The following LIX1 variants were observed in gnomAD, a reference collection of about 807,000 sequenced individuals.
The protein encoded by LIX1 is limb and CNS expressed 1.
LIX1 carries 24 observed loss-of-function variants against 33.4 expected under a neutral mutation model. The observed-to-expected ratio is 0.72, with a 90% CI of 0.52 to 1.01. The LOEUF is 1.01. Among genes scored for constraint, LIX1 ranks in the 50% least tolerant of loss-of-function variants. The probability of loss-of-function intolerance (pLI) is 0.00; values close to 1 mark genes in which losing one functional copy is unlikely to be tolerated. For missense variants in LIX1, 311 were observed against 339.2 expected (o/e 0.92, Z 0.65); for synonymous variants, 124 against 124.0 (o/e 1.00, Z 0.00).
At chr5:97,135,394 A>G (rs922881964) in intron 1 of LIX1, among the ~76,000 whole-genome samples, 2 of 152,214 alleles carry the variant, frequency 1.3e-5, no homozygotes, top group African/African-American at 4.8e-5. Context: ...TTATATGTGC[A>G]CATTGGGTCA....
intron 1 of LIX1, chr5:97,137,259 G>A: frequency 3.5e-6 from 1 of 289,852 alleles, no homozygotes; most frequent in Non-Finnish European, 6.9e-6. Context: ...CAATGAAGAG[G>A]TCCCAGATTT....
intron 1 of LIX1, among the ~76,000 whole-genome samples, chr5:97,131,631 C>G (rs1748058547): frequency 6.6e-6 from 1 of 152,222 alleles, no homozygotes; most frequent in African/African-American, 2.4e-5. Context: ...GGCAGCAACT[C>G]TGGCTCATTC....
chr5:97,139,053 A>T (rs1748229457), intron 1 of LIX1, among the ~76,000 whole-genome samples: 1 of 152,252 alleles, frequency 6.6e-6, no homozygotes, highest in African/African-American at 2.4e-5. Flanking sequence ...GGTAACTAGC[A>T]CTTCTGAGAG....
intron 2 of LIX1, among the ~76,000 whole-genome samples, chr5:97,111,182 A>G (rs952511287): frequency 2.0e-5 from 3 of 152,180 alleles, no homozygotes; most frequent in Admixed American, 6.5e-5. Context: ...GGCAGAGCCT[A>G]TGACTTAGTT....
Position 97,095,029 on chromosome 5 carries a change from T to A in LIX1, c.568A>T (p.Ile190Phe). 1 of 1,612,784 alleles carries A rather than the reference T, an allele frequency of 6.2e-7. No homozygotes were observed. Among genetic ancestry groups the A allele is most frequent in the Non-Finnish European group, 8.5e-7 (1 of 1,179,022 alleles). ...AGAGAATACTGAGAATAGTAGGAGA[T>A]GACTTCCTGGGGGCCAAGAAACAAA... ...RETKCSRQEV[I>F]SYYSQYSLDE... The change falls in exon 6 of 6, where the codon ATC becomes TTC. Residue 190 changes from isoleucine to phenylalanine, a missense_variant. Transcript: ENST00000274382.
intron 4 of LIX1, among the ~76,000 whole-genome samples, chr5:97,099,110 T>C (rs1432511770): frequency 3.5e-5 from 5 of 143,954 alleles, no homozygotes; most frequent in Admixed American, 3.4e-4. Context: ...CTGCACAGGG[T>C]CCTCGGTCCA....
chr5:97,103,370 C>A (rs1746821497), intron 4 of LIX1, among the ~76,000 whole-genome samples: 1 of 152,224 alleles, frequency 6.6e-6, no homozygotes, highest in African/African-American at 2.4e-5. Flanking sequence ...TTCATCTTCA[C>A]TGAGCATTCA....
intron 4 of LIX1, among the ~76,000 whole-genome samples, chr5:97,097,384 G>T (rs894587924): frequency 2.0e-5 from 3 of 152,186 alleles, no homozygotes; most frequent in African/African-American, 7.2e-5. Flanking sequence ...TAAATAGAAA[G>T]AATTCTATGA....
chr5:97,116,285 C>T (rs979279702), intron 2 of LIX1, among the ~76,000 whole-genome samples: 3 of 152,168 alleles, frequency 2.0e-5, no homozygotes, highest in African/African-American at 7.2e-5. Context: ...AACATTTTTT[C>T]TCCTTCCAGA....
At chr5:97,109,561 A>C (rs1049017705) in intron 2 of LIX1, among the ~76,000 whole-genome samples, 31 of 151,808 alleles carry the variant, frequency 2.0e-4, no homozygotes, top group Non-Finnish European at 4.4e-4. Flanking sequence ...TCATATATTT[A>C]TTTCTTTTTT....
intron 4 of LIX1, chr5:97,101,626 C>T (rs1051513601): frequency 2.0e-5 from 3 of 152,180 alleles, no homozygotes; most frequent in African/African-American, 7.2e-5. Context: ...TCATTCATTT[C>T]ATGTAAACAG....
chr5:97,104,063 T>C (rs556706374), intron 4 of LIX1, among the ~76,000 whole-genome samples: 99 of 152,052 alleles, frequency 6.5e-4, no homozygotes, highest in Non-Finnish European at 1.2e-3. Flanking sequence ...TAAAATAATA[T>C]TTATTTTTTA....
chr5:97,101,663 C>T (rs556665470), intron 4 of LIX1: 1 of 152,324 alleles, frequency 6.6e-6, no homozygotes, highest in Admixed American at 6.5e-5. Flanking sequence ...GTCCTCACAG[C>T]CTTTCCTGGG....
intron 2 of LIX1, among the ~76,000 whole-genome samples, chr5:97,115,864 G>A (rs1172863502): frequency 6.6e-6 from 1 of 152,182 alleles, no homozygotes; most frequent in African/African-American, 2.4e-5. Flanking sequence ...GGGCAGGTCA[G>A]TGTTATTTAG....
rs949550669 is a variant in LIX1 at position 97,093,444 on chromosome 5, G to C, written c.*1304C>G. 1 of 152,028 alleles carries C rather than the reference G, an allele frequency of 6.6e-6. No homozygotes were observed. The highest frequency in any genetic ancestry group is 1.5e-5 in the Non-Finnish European group (1 of 67,974). The allele number at this position is 152,028 out of a possible 1,614,324, so 9.4% of individuals were successfully genotyped here. ...GAAAGACCTATGAGCATTTAAAATT[G>C]ACATTGCTGACATTCTTAAATTTGA... is the stretch of plus-strand genomic sequence containing the variant. On this transcript the variant is annotated 3_prime_UTR_variant, in exon 6 of 6. Coordinates refer to ENST00000274382, the MANE Select transcript of LIX1 (RefSeq NM_153234.5).
rs1296400487 is a variant in LIX1 at position 97,092,953 on chromosome 5, T to C, written c.*1795A>G. ...TAATTCTGATTTCTTTTCAGGAATA[T>C]AAGGGAATAAAGTTCTTTCGTGGGT... On this transcript the variant is annotated 3_prime_UTR_variant, in exon 6 of 6. Coordinates refer to ENST00000274382, the MANE Select transcript of LIX1 (RefSeq NM_153234.5). The C allele has an allele frequency of 6.6e-6, 1 of 152,388 alleles. No individual in the cohort carries two copies. The highest frequency in any genetic ancestry group is 1.5e-5 in the Non-Finnish European group (1 of 68,038). The allele number at this position is 152,388 out of a possible 1,614,324, so 9.4% of individuals were successfully genotyped here. A position where few individuals can be genotyped will look rare whatever the true frequency, so the allele number is the denominator to read the frequency against.
chr5:97,127,651 G>A (rs1440875130), intron 1 of LIX1, among the ~76,000 whole-genome samples: 2 of 152,188 alleles, frequency 1.3e-5, no homozygotes, highest in Non-Finnish European at 2.9e-5. Flanking sequence ...GCATCAACAA[G>A]GTTTGTGGAC....
Position 97,105,285 on chromosome 5 carries a change from C to T in LIX1, c.388G>A (p.Gly130Ser). 6.2e-7 allele frequency: 1 copy of T among 1,612,786 alleles called. No homozygotes were observed. Residue 130 changes from glycine (G) to serine (S), a missense_variant and splice_region_variant, in exon 4 of 6, where the codon GGC becomes AGC. Coordinates refer to ENST00000274382, the MANE Select transcript of LIX1 (RefSeq NM_153234.5). The part of the protein sequence containing the change: ...SVQEAVASTS[G>S]TLDDADDPST... ...GGGTCATCTGCATCATCTAAGGTGC[C>T]CTTGGGAAAGAAAGCAGAAAAAGAA...
chr5:97,129,304 A>T (rs563218196), intron 1 of LIX1, among the ~76,000 whole-genome samples: 1 of 152,318 alleles, frequency 6.6e-6, no homozygotes, highest in Admixed American at 6.5e-5. Flanking sequence ...TACCCGCAAG[A>T]AACATCATGG....
Sources: allele counts gnomAD v4.1 joint callset (sites outside exome capture counted in the v4.1 genomes callset), GRCh38; gene constraint gnomAD v4.1.1; transcripts MANE v1.5; gene names NCBI Gene and HGNC (gene_info 2026-07-23, HGNC 2026-07-21).